ELFN1: variants seen among roughly 807,000 people sequenced by gnomAD.
The protein encoded by ELFN1 is extracellular leucine rich repeat and fibronectin type III domain containing 1.
Under a neutral mutation model 7.6 loss-of-function variants are expected in ELFN1, and 6 were observed. That is an observed-to-expected ratio of 0.79 (90% CI 0.43 to 1.56). The LOEUF is 1.56. Ranked by LOEUF, ELFN1 falls within the 40% of genes most tolerant of loss-of-function variation. ELFN1 has a pLI of 0.01. For missense variants in ELFN1, 1,169 were observed against 1,232.2 expected, an observed-to-expected ratio of 0.95 and a Z score of 0.77; for synonymous variants, 657 against 588.1, an observed-to-expected ratio of 1.12 and a Z score of -1.70.
intron 3 of ELFN1, among the ~76,000 whole-genome samples, chr7:1,725,900 T>G (rs1022785143): frequency 4.7e-5 from 7 of 150,340 alleles, no homozygotes; most frequent in African/African-American, 1.7e-4. Flanking sequence ...AAATACACAC[T>G]CACACAAAAA....
chr7:1,668,792 C>T (rs567668403), upstream of ELFN1, among the ~76,000 whole-genome samples: 2 of 152,256 alleles, frequency 1.3e-5, no homozygotes, highest in Non-Finnish European at 2.9e-5. Flanking sequence ...TGGTCCAGGT[C>T]GGGGCAGAGG....
intron 3 of ELFN1, among the ~76,000 whole-genome samples, chr7:1,741,673 G>A (rs970317810): frequency 1.7e-4 from 26 of 152,154 alleles, no homozygotes; most frequent in Non-Finnish European, 7.4e-5. Context: ...GGAGATGTCA[G>A]CCACCGGTGC....
intron 3 of ELFN1, among the ~76,000 whole-genome samples, chr7:1,727,471 A>G (rs888820517): frequency 2.0e-5 from 3 of 152,122 alleles, no homozygotes; most frequent in African/African-American, 7.2e-5. Flanking sequence ...GACCTTCAGT[A>G]GTGGGGTGCC....
intron 1 of ELFN1, among the ~76,000 whole-genome samples, chr7:1,672,634 C>T (rs1044470325): frequency 6.6e-6 from 1 of 152,280 alleles, no homozygotes; most frequent in African/African-American, 2.4e-5. Flanking sequence ...CCAACACACA[C>T]GCATCAGCTC....
intron 3 of ELFN1, among the ~76,000 whole-genome samples, chr7:1,710,039 G>A (rs867692413): frequency 1.3e-5 from 2 of 152,196 alleles, no homozygotes; most frequent in African/African-American, 2.4e-5. Flanking sequence ...AATAGAGCTC[G>A]GTTGTAATAT....
At chr7:1,715,363 C>A (rs565497380) in intron 3 of ELFN1, among the ~76,000 whole-genome samples, 40 of 152,316 alleles carry the variant, frequency 2.6e-4, no homozygotes, top group Non-Finnish European at 5.6e-4. Flanking sequence ...GCCTCCACCC[C>A]ACACCTGGCT....
chr7:1,742,078 A>T (rs1385592909), intron 3 of ELFN1: 1 of 151,854 alleles, frequency 6.6e-6, no homozygotes, highest in Non-Finnish European at 1.5e-5. Flanking sequence ...ACACACACAC[A>T]CGTGAACCCC....
At chr7:1,711,055 G>A (rs1454395524) in intron 3 of ELFN1, among the ~76,000 whole-genome samples, 1 of 152,174 alleles carries the variant, frequency 6.6e-6, no homozygotes, top group Admixed American at 6.5e-5. Context: ...GGACTCAAAT[G>A]CCAGCCCCTA....
chr7:1,746,703 C>A lies in ELFN1; in HGVS notation c.2107C>A (p.His703Asn). 1 of 1,467,502 alleles carries A rather than the reference C, an allele frequency of 6.8e-7. No individual in the cohort carries two copies. The highest frequency in any genetic ancestry group is 9.0e-7 in the Non-Finnish European group (1 of 1,116,064). 90.9% of individuals were successfully genotyped at this position (1,467,502 alleles called of 1,614,324 possible). A position where few individuals can be genotyped will look rare whatever the true frequency, so the allele number is the denominator to read the frequency against. Residue 703 changes from histidine (H) to asparagine (N), a missense_variant, in exon 4 of 4, where the codon CAC (histidine) becomes AAC (asparagine). Physicochemically the swap from His to Asn is moderately conservative, Grantham distance 68 (BLOSUM62 1). This residue lies in a region of ELFN1 where 914 missense variants were observed against 872.6 expected (regional missense o/e 1.05). Transcript: ENST00000424383. ...CGAGAAGGGTCGCCAGTACGGCGAG[C>A]ACCGGCACTCGTACCCCGGCTCCCA... ...EAEKGRQYGE[H>N]RHSYPGSHPA...
In ELFN1 at chr7:1,746,053, GC is replaced by G; in HGVS notation, c.1460del (p.Pro487ArgfsTer8). The stretch of plus-strand genomic sequence containing the variant: ...CCCGGCCTGGCCCCGCTGTCCCAGG[GC>G]CCGCTGCTGGGCCCCGAGGCCGTGA... ...EAPGLAPLSQ[G>X]PLLGPEAVTR... On this transcript the variant is annotated frameshift_variant, in exon 4 of 4. Transcript: ENST00000424383. LOFTEE classifies it low-confidence loss of function (END_TRUNC). The G allele has an allele frequency of 6.5e-7, 1 of 1,546,730 alleles. No homozygotes were observed. The highest frequency in any genetic ancestry group is 8.7e-7 in the Non-Finnish European group (1 of 1,145,100).
intron 2 of ELFN1, among the ~76,000 whole-genome samples, chr7:1,696,452 C>T (rs925007730): frequency 9.3e-5 from 14 of 150,538 alleles, no homozygotes; most frequent in African/African-American, 3.2e-4. Flanking sequence ...AGTGCAGTGA[C>T]ACAATCACAG....
intron 2 of ELFN1, among the ~76,000 whole-genome samples, chr7:1,699,570 G>A (rs1779384663): frequency 6.6e-6 from 1 of 152,140 alleles, no homozygotes; most frequent in Non-Finnish European, 1.5e-5. Flanking sequence ...GAGCCCTAAG[G>A]GGTCCAGGTT....
At chr7:1,734,037 A>G (rs933516520) in intron 3 of ELFN1, among the ~76,000 whole-genome samples, 6 of 152,208 alleles carry the variant, frequency 3.9e-5, no homozygotes, top group Non-Finnish European at 7.3e-5. Flanking sequence ...TACTAGGAAG[A>G]GAAGAACCAG....
chr7:1,738,050 C>T (rs56970715), intron 3 of ELFN1, among the ~76,000 whole-genome samples: 5,166 of 152,278 alleles, frequency 0.034, 282 homozygotes, highest in African/African-American at 0.12. Flanking sequence ...GGTCCCCGTG[C>T]GACAAGCAGA....
In ELFN1 at chr7:1,695,644, G is replaced by T. The variant is rs1008947311; in HGVS notation, c.-456+7494G>T. 2.6e-5 allele frequency among the ~76,000 whole-genome samples: 4 copies of T among 151,720 alleles called. No individual in the cohort carries two copies. The highest frequency in any genetic ancestry group is 4.4e-5 in the Non-Finnish European group (3 of 67,970). ...CACCTGTAATCCCAGTTACTTGGGA[G>T]GCTGAGGCAGGGAGAATTGTTTGAA... On this transcript the variant is annotated intron_variant, in intron 2 of 3. Coordinates refer to ENST00000424383, the MANE Select transcript of ELFN1 (RefSeq NM_001128636.4). This position sits in a 1 kb window ranked among gnomAD's most constrained non-coding sequence, Gnocchi z 5.1.
At chr7:1,731,312 A>G (rs62435492) in intron 3 of ELFN1, among the ~76,000 whole-genome samples, 21,821 of 152,254 alleles carry the variant, frequency 0.14, 1,994 homozygotes, top group South Asian at 0.26. Flanking sequence ...AGTTCATCTG[A>G]ATGAATATTC....
chr7:1,677,711 T>C (rs957171060), intron 1 of ELFN1, among the ~76,000 whole-genome samples: 3 of 152,032 alleles, frequency 2.0e-5, no homozygotes, highest in Admixed American at 6.5e-5. Context: ...TGAATGATCG[T>C]GGCTCTGATG....
rs1174986120 is a variant in ELFN1 at position 1,746,721 on chromosome 7, G to A, written c.2125G>A (p.Gly709Ser). The A allele has an allele frequency of 4.1e-6, 6 of 1,478,376 alleles. No individual in the cohort carries two copies. Among genetic ancestry groups the A allele is most frequent in the Non-Finnish European group, 3.6e-6 (4 of 1,121,126 alleles). 91.6% of individuals were successfully genotyped at this position (1,478,376 alleles called of 1,614,324 possible). The change falls in exon 4 of 4, where the codon GGC (glycine) becomes AGC (serine). Residue 709 changes from glycine to serine, a missense_variant. Gly to Ser is a moderately conservative substitution (Grantham distance 56). Around this residue, in one of 2 missense-constraint regions of ELFN1, gnomAD observed 914 missense variants for 872.6 expected, o/e 1.05. Coordinates refer to ENST00000424383, the MANE Select transcript of ELFN1 (RefSeq NM_001128636.4). ...QYGEHRHSYPGSHPAEPPAPP... is the reference protein window; with the variant it reads ...QYGEHRHSYPSSHPAEPPAPP... ...CGGCGAGCACCGGCACTCGTACCCC[G>A]GCTCCCACCCGGCCGAGCCACCTGC...
intron 2 of ELFN1, among the ~76,000 whole-genome samples, chr7:1,697,167 C>T (rs1779333504): frequency 6.6e-6 from 1 of 152,220 alleles, no homozygotes; most frequent in Admixed American, 6.5e-5. Context: ...TGTGCCTCCC[C>T]AGGCAGGGCA....
Sources: gnomAD v4.1 joint callset for allele counts (sites outside exome capture counted in the v4.1 genomes callset) on GRCh38, gnomAD v4.1.1 for gene constraint, gnomAD v4.1.1 regional missense constraint, Gnocchi (gnomAD v3.1) non-coding constraint, MANE v1.5 for transcripts, NCBI Gene and HGNC (gene_info 2026-07-23, HGNC 2026-07-21) for gene names.